The following CRHBP variants were observed in gnomAD, a reference collection of about 807,000 sequenced individuals.
CRHBP encodes the protein corticotropin releasing hormone binding protein.
CRHBP carries 19 observed loss-of-function variants against 34.9 expected under a neutral mutation model. The ratio of observed to expected loss-of-function variants is 0.55; its 90% confidence interval spans 0.38 to 0.80. The LOEUF (loss-of-function observed/expected upper bound fraction) is 0.80. CRHBP is among the 30% of genes least tolerant of loss of function. The pLI, the probability that CRHBP is intolerant of heterozygous loss-of-function variation, is 0.00. For missense variants in CRHBP, 328 were observed against 409.2 expected (o/e 0.80, Z 1.71); for synonymous variants, 154 against 153.4 (o/e 1.00, Z -0.03).
intron 2 of CRHBP, among the ~76,000 whole-genome samples, chr5:76,974,833 G>A (rs185330957): frequency 2.6e-5 from 4 of 152,254 alleles, no homozygotes; most frequent in African/African-American, 7.2e-5. Context: ...ACAGAGATAC[G>A]AGAGAGGAAA....
chr5:76,966,732 C>T (rs1347976405), intron 6 of CRHBP, among the ~76,000 whole-genome samples: 1 of 152,174 alleles, frequency 6.6e-6, no homozygotes, highest in Non-Finnish European at 1.5e-5. Context: ...AGACCCTATT[C>T]TCCTGCCTTA....
chr5:76,958,656 C>T (rs1745727521), intron 4 of CRHBP, 85 bp from the exon 5 acceptor site: 2 of 1,437,036 alleles, frequency 1.4e-6, no homozygotes, highest in Admixed American at 4.4e-5. Flanking sequence ...TGAACAGGAG[C>T]CCTAGAATAA....
Position 76,955,687 on chromosome 5 carries a change from TC to T in CRHBP, c.372del (p.Ser125ValfsTer14). On this transcript the variant is annotated frameshift_variant, in exon 4 of 7. Coordinates refer to ENST00000274368, the MANE Select transcript of CRHBP (RefSeq NM_001882.4). LOFTEE classifies it high-confidence loss of function. ...GGTTGGATTCTCAAGGGGGAGAAGTTCCCCAGTTCCCAGGATCATCCTCTCC... is the reference window on the plus strand; with the variant it reads ...GGTTGGATTCTCAAGGGGGAGAAGTTCCCAGTTCCCAGGATCATCCTCTCC... ...FDGWILKGEK[F>X]PSSQDHPLPS... is the part of the protein sequence containing the mutation. 1 of 1,614,168 alleles carries T rather than the reference TC, an allele frequency of 6.2e-7. No homozygotes were observed. The highest frequency in any genetic ancestry group is 8.5e-7 in the Non-Finnish European group (1 of 1,180,026).
At chr5:76,953,272 C>T in intron 1 of CRHBP, 57 bp downstream of exon 1, 1 of 1,534,630 alleles carries the variant, frequency 6.5e-7, no homozygotes, top group Non-Finnish European at 9.0e-7. Context: ...CCCTAGGCGG[C>T]AGGCAGGCTG....
rs187653234 is a variant in CRHBP, at chr5:76,976,117, C to A, written n.312-248C>A. Among the ~76,000 whole-genome samples, 105 of 151,582 alleles carry A rather than the reference C, an allele frequency of 6.9e-4. 1 individual carries two copies. The highest frequency in any genetic ancestry group is 2.4e-3 in the African/African-American group (101 of 41,298). On this transcript the variant is annotated intron_variant and non_coding_transcript_variant, in intron 2 of 3. Transcript: ENST00000514258. The stretch of plus-strand genomic sequence containing the variant: ...ATATATAATAAGATGCTGGCCCCTA[C>A]CCACCCATCCTCACCCTCTCTTTTT...
chr5:76,974,255 G>A (rs1205718543), downstream of CRHBP, among the ~76,000 whole-genome samples: 1 of 151,998 alleles, frequency 6.6e-6, no homozygotes, highest in Non-Finnish European at 1.5e-5. Context: ...GATCTCAAAT[G>A]ATCCACCCGC....
downstream of CRHBP, among the ~76,000 whole-genome samples, chr5:76,970,595 T>G (rs1244772091): frequency 3.3e-5 from 5 of 152,292 alleles, no homozygotes; most frequent in South Asian, 1.0e-3. Context: ...AAATATTGGA[T>G]TCTTCATTTC....
intron 2 of CRHBP, among the ~76,000 whole-genome samples, chr5:76,975,825 A>AAATATATATATATAT: frequency 1.6e-5 from 1 of 61,860 alleles, no homozygotes; most frequent in Admixed American, 1.8e-4. Flanking sequence ...AAAAAAAAAA[A>AAATATATATATATAT]ATATATATAT....
chr5:76,958,708 G>A, intron 4 of CRHBP, 33 bp from the exon 5 acceptor site: 1 of 1,590,436 alleles, frequency 6.3e-7, no homozygotes, highest in Non-Finnish European at 8.5e-7. Flanking sequence ...ACCAAGTAAA[G>A]GAAACGTGAA....
At chr5:76,971,788 G>C (rs1019813282), downstream of CRHBP, among the ~76,000 whole-genome samples, 1 of 152,112 alleles carries the variant, frequency 6.6e-6, no homozygotes, top group Non-Finnish European at 1.5e-5. Context: ...TGGACTATCT[G>C]CCCTTCTGCC....
At chr5:76,978,802 AATGGTACATAAACTTAG>A (rs1162901673) in intron 3 of CRHBP, among the ~76,000 whole-genome samples, 4 of 152,276 alleles carry the variant, frequency 2.6e-5, no homozygotes, top group Admixed American at 2.6e-4. Context: ...ACAAATTTAG[AATGGTACATAAACTTAG>A]ATGGTACATA....
At chr5:76,974,187 T>C (rs1425928265), downstream of CRHBP, among the ~76,000 whole-genome samples, 1 of 151,184 alleles carries the variant, frequency 6.6e-6, no homozygotes, top group Admixed American at 6.6e-5. Context: ...TGGCTAATTT[T>C]TGTATTTTTA....
intron 4 of CRHBP, among the ~76,000 whole-genome samples, chr5:76,958,434 C>T (rs1387375676): frequency 2.0e-5 from 3 of 152,140 alleles, no homozygotes; most frequent in Non-Finnish European, 4.4e-5. Flanking sequence ...AGAACTACTA[C>T]CAGCTAGTAT....
chr5:76,974,294 G>T (rs1745989589), downstream of CRHBP, among the ~76,000 whole-genome samples: 1 of 152,122 alleles, frequency 6.6e-6, no homozygotes, highest in Non-Finnish European at 1.5e-5. Context: ...TGGGATTACA[G>T]GCGTGAGCCA....
At position 76,968,837 on chromosome 5, in the gene CRHBP, A is replaced by G. The variant is rs1269238969; in HGVS notation, c.921A>G (p.Glu307=). The change falls in exon 7 of 7, where the codon GAA becomes GAG. Residue 307 remains glutamate (E), a synonymous_variant. Coordinates refer to ENST00000274368, the MANE Select transcript of CRHBP (RefSeq NM_001882.4). The stretch of plus-strand genomic sequence containing the variant: ...GTCAGCTGGAGCCGTACGAGCTGGA[A>G]AACCCAAATGGAAACAGTATCGGGG... ...EYRQLEPYEL[E]NPNGNSIGEF... 2 of 1,614,046 alleles carry G rather than the reference A, an allele frequency of 1.2e-6. No homozygotes were observed. The highest frequency in any genetic ancestry group is 1.7e-6 in the Non-Finnish European group (2 of 1,180,016).
At position 76,969,005 on chromosome 5, in the gene CRHBP, G is replaced by A; in HGVS notation, c.*120G>A. The A allele has an allele frequency of 2.8e-6, 3 of 1,071,580 alleles. No individual in the cohort carries two copies. The highest frequency in any genetic ancestry group is 2.7e-6 in the Non-Finnish European group (2 of 743,974). The allele number at this position is 1,071,580 out of a possible 1,614,324, so 66.4% of individuals were successfully genotyped here. ...TACCAGTCAGTATTCCCAGCCTTGA[G>A]CGCACGCGCGCACACACACACACAC... On this transcript the variant is annotated 3_prime_UTR_variant, in exon 7 of 7. Coordinates refer to ENST00000274368, the MANE Select transcript of CRHBP (RefSeq NM_001882.4).
intron 5 of CRHBP, among the ~76,000 whole-genome samples, chr5:76,962,099 G>GGT (rs1371333894): frequency 3.3e-5 from 5 of 151,678 alleles, no homozygotes; most frequent in East Asian, 3.9e-4. Flanking sequence ...TGTGTGTGTG[G>GGT]GTGTGTGTGT....
At chr5:76,953,915 G>C (rs1745619796) in intron 2 of CRHBP, 114 bp from the exon 3 acceptor site, 2 of 1,339,342 alleles carry the variant, frequency 1.5e-6, no homozygotes, top group South Asian at 1.5e-5. Flanking sequence ...GCTGGAAGTC[G>C]GGGCGCTGGG....
intron 3 of CRHBP, among the ~76,000 whole-genome samples, chr5:76,978,732 C>T (rs1056386502): frequency 3.3e-5 from 5 of 152,058 alleles, no homozygotes; most frequent in African/African-American, 4.8e-5. Flanking sequence ...GCAAAGAAAG[C>T]GGTTTCTTGA....
Sources: gnomAD v4.1 joint callset for allele counts (sites outside exome capture counted in the v4.1 genomes callset) on GRCh38, gnomAD v4.1.1 for gene constraint, MANE v1.5 for transcripts, NCBI Gene and HGNC (gene_info 2026-07-23, HGNC 2026-07-21) for gene names.